Variants in JMJD1C observed in about 807,000 individuals in gnomAD.
JMJD1C encodes jumonji domain-containing protein 1C.
Under a neutral mutation model 245.3 loss-of-function variants are expected in JMJD1C, and 31 were observed. The ratio of observed to expected loss-of-function variants is 0.13; its 90% CI spans 0.09 to 0.17. JMJD1C has a LOEUF of 0.17. Ranked by LOEUF, JMJD1C falls within the 10% of genes least tolerant of loss-of-function variation. The pLI is 1.00. For missense variants in JMJD1C, 2,691 were observed against 3,000.2 expected (o/e 0.90, Z 2.41); for synonymous variants, 1,057 against 1,017.4 (o/e 1.04, Z -0.74).
chr10:63,338,304 T>C (rs1943035783), intron 2 of JMJD1C, among the ~76,000 whole-genome samples: 1 of 152,112 alleles, frequency 6.6e-6, no homozygotes, highest in East Asian at 1.9e-4. Context: ...CCAGCTTATT[T>C]AAAAAATTCT....
chr10:63,248,594 G>C (rs1188355416), intron 3 of JMJD1C, among the ~76,000 whole-genome samples: 1 of 151,462 alleles, frequency 6.6e-6, no homozygotes, highest in Non-Finnish European at 1.5e-5. Context: ...GGACACTGTT[G>C]AATATGTGGG....
In JMJD1C at chr10:63,198,496, A is replaced by G. The variant is rs1231744238; in HGVS notation, c.5491+17T>C. On this transcript the variant is annotated intron_variant, in intron 12 of 25. Coordinates refer to ENST00000399262, the MANE Select transcript of JMJD1C (RefSeq NM_032776.3). ...AAATGAAATTTGTGCAGTTCATGTT[A>G]TATTTAACTTCCTTACCATCCTTTT... is the stretch of plus-strand genomic sequence containing the variant. 2.0e-6 allele frequency: 3 copies of G among 1,472,902 alleles called. No homozygotes were observed. Among genetic ancestry groups the G allele is most frequent in the Non-Finnish European group, 2.8e-6 (3 of 1,071,436 alleles). 91.2% of individuals were successfully genotyped at this position (1,472,902 alleles called of 1,614,324 possible).
At chr10:63,276,674 G>A (rs946508714) in intron 2 of JMJD1C, among the ~76,000 whole-genome samples, 1 of 151,830 alleles carries the variant, frequency 6.6e-6, no homozygotes, top group African/African-American at 2.4e-5. Flanking sequence ...TCGCCATATT[G>A]GCCAGGGTGG....
intron 3 of JMJD1C, among the ~76,000 whole-genome samples, chr10:63,243,938 C>A (rs1851837280): frequency 6.6e-6 from 1 of 152,164 alleles, no homozygotes; most frequent in African/African-American, 2.4e-5. Context: ...CACTTTCCCA[C>A]CAACTTATGG....
At chr10:63,198,150 T>C (rs886227199) in intron 12 of JMJD1C, among the ~76,000 whole-genome samples, 2 of 152,264 alleles carry the variant, frequency 1.3e-5, no homozygotes, top group Admixed American at 6.5e-5. Flanking sequence ...AGAGAGGTTA[T>C]TTGCCAAAGG....
intron 2 of JMJD1C, among the ~76,000 whole-genome samples, chr10:63,290,757 C>A (rs1482902753): frequency 1.3e-5 from 2 of 151,978 alleles, no homozygotes; most frequent in Non-Finnish European, 2.9e-5. Flanking sequence ...TTTGCTATTA[C>A]TATAAGTTCA....
upstream of JMJD1C, chr10:63,465,986 T>TC (rs1246479231): frequency 3.3e-6 from 1 of 303,074 alleles, no homozygotes. Context: ...CTGCTCCGTC[T>TC]CCCTCCCCGG....
At chr10:63,212,594 G>A (rs566258962) in intron 8 of JMJD1C, among the ~76,000 whole-genome samples, 8 of 152,208 alleles carry the variant, frequency 5.3e-5, no homozygotes, top group Admixed American at 2.0e-4. Flanking sequence ...AATCTCAGCT[G>A]CAGCTTTACC....
intron 1 of JMJD1C, among the ~76,000 whole-genome samples, chr10:63,400,946 C>T (rs1407112037): frequency 1.3e-5 from 2 of 151,952 alleles, no homozygotes; most frequent in African/African-American, 2.4e-5. Flanking sequence ...CTGCAACCTC[C>T]GCCTCCCGGG....
chr10:63,211,333 T>G (rs886539094), intron 8 of JMJD1C, among the ~76,000 whole-genome samples: 30 of 151,712 alleles, frequency 2.0e-4, no homozygotes, highest in Non-Finnish European at 3.7e-4. Context: ...AGGTGTGGTG[T>G]TGCACACCTG....
intron 2 of JMJD1C, among the ~76,000 whole-genome samples, chr10:63,280,100 G>A (rs1054124747): frequency 9.9e-5 from 15 of 152,038 alleles, no homozygotes; most frequent in Admixed American, 7.2e-4. Flanking sequence ...GCAGTGAGCC[G>A]AGGTCATGCC....
At chr10:63,473,392 C>T (rs1953555522) in intron 1 of JMJD1C, among the ~76,000 whole-genome samples, 1 of 151,930 alleles carries the variant, frequency 6.6e-6, no homozygotes, top group Non-Finnish European at 1.5e-5. Context: ...ATTACAGGCA[C>T]ACAGCACCAC....
At chr10:63,359,296 T>C (rs1487227934) in intron 2 of JMJD1C, among the ~76,000 whole-genome samples, 2 of 152,378 alleles carry the variant, frequency 1.3e-5, no homozygotes, top group South Asian at 2.1e-4. Flanking sequence ...TTCTAAGCTG[T>C]TGTGCACATT....
chr10:63,358,413 T>C (rs1945045854), intron 2 of JMJD1C, among the ~76,000 whole-genome samples: 1 of 150,550 alleles, frequency 6.6e-6, no homozygotes, highest in East Asian at 1.9e-4. Context: ...AAAAAAAATC[T>C]GAAGATAGAT....
intron 2 of JMJD1C, among the ~76,000 whole-genome samples, chr10:63,376,382 C>A (rs975060753): frequency 2.0e-5 from 3 of 151,702 alleles, no homozygotes; most frequent in African/African-American, 7.3e-5. Flanking sequence ...TTTTTTAATA[C>A]AACAACAAAG....
At chr10:63,351,293 G>T (rs1476009835) in intron 2 of JMJD1C, among the ~76,000 whole-genome samples, 1 of 151,374 alleles carries the variant, frequency 6.6e-6, no homozygotes, top group Non-Finnish European at 1.5e-5. Context: ...TCACAATGTT[G>T]GCCAGGCTGG....
chr10:63,245,478 CTTTTTTTTTTTT>C (rs71025134), intron 3 of JMJD1C, among the ~76,000 whole-genome samples: 2 of 90,198 alleles, frequency 2.2e-5, no homozygotes, highest in South Asian at 4.1e-4. Flanking sequence ...CAGGGGAACT[CTTTTTTTTTTTT>C]TTTTTTTTTG....
chr10:63,307,302 C>T (rs11816900), intron 2 of JMJD1C, among the ~76,000 whole-genome samples: 3,770 of 152,162 alleles, frequency 0.025, 159 homozygotes, highest in African/African-American at 0.085. Flanking sequence ...AGATATTATG[C>T]ATTTCAGTAT....
At chr10:63,187,422 T>C (rs1844257640) in intron 18 of JMJD1C, among the ~76,000 whole-genome samples, 1 of 152,194 alleles carries the variant, frequency 6.6e-6, no homozygotes, top group Non-Finnish European at 1.5e-5. Context: ...AGCAGAAATC[T>C]TAGGCTATCA....
Sources: gnomAD v4.1 joint callset for allele counts (sites outside exome capture counted in the v4.1 genomes callset) on GRCh38, gnomAD v4.1.1 for gene constraint, MANE v1.5 for transcripts, NCBI Gene and HGNC (gene_info 2026-07-23, HGNC 2026-07-21) for gene names.